ESR1: variants seen among roughly 807,000 people sequenced by gnomAD.
The protein encoded by ESR1 is estrogen receptor.
A neutral mutation model predicts 52.7 loss-of-function variants in ESR1; 12 were observed. That is an observed-to-expected ratio of 0.23 (90% CI 0.15 to 0.37). The LOEUF (loss-of-function observed/expected upper bound fraction) is 0.37, where lower values mean the gene tolerates loss of function less well. Among genes scored for constraint, ESR1 ranks in the 10% least tolerant of loss-of-function variants. The pLI is 1.00. For synonymous variants in ESR1, 305 were observed against 316.8 expected (o/e 0.96, Z 0.39); for missense variants, 584 against 779.7 (o/e 0.75, Z 2.99).
chr6:151,720,891 A>G (rs1485086407), intron 2 of ESR1, among the ~76,000 whole-genome samples: 2 of 152,176 alleles, frequency 1.3e-5, no homozygotes, highest in Non-Finnish European at 2.9e-5. Flanking sequence ...TTTGAATTTC[A>G]TGTTACTTTA....
rs975656329 is a variant in ESR1 at position 152,103,215 on chromosome 6, C to T, written c.*4249C>T. ...TTGAAAAAGAATCCAGCGGGATGCT[C>T]GAGCACCTGTAAACAATTTTCTCAA... is the stretch of plus-strand genomic sequence containing the variant. On this transcript the variant is annotated 3_prime_UTR_variant, in exon 8 of 8. Coordinates refer to ENST00000206249, the MANE Select transcript of ESR1 (RefSeq NM_000125.4). The T allele has an allele frequency of 1.1e-5, 2 of 188,858 alleles. No individual in the cohort carries two copies. Among genetic ancestry groups the T allele is most frequent in the Admixed American group, 6.2e-5 (1 of 16,174 alleles). The allele number at this position is 188,858 out of a possible 1,614,324, so 11.7% of individuals were successfully genotyped here.
At chr6:152,088,421 G>A (rs560362009) in intron 6 of ESR1, among the ~76,000 whole-genome samples, 1 of 152,302 alleles carries the variant, frequency 6.6e-6, no homozygotes, top group South Asian at 2.1e-4. Context: ...CTACCGTGTG[G>A]TCTGAATGTT....
chr6:151,975,397 A>G lies in ESR1; in HGVS notation c.1096+30889A>G, dbSNP rs181431992. Among the ~76,000 whole-genome samples, 4 of 150,616 alleles carry G rather than the reference A, an allele frequency of 2.7e-5. No individual in the cohort carries two copies. The East Asian group carries it at 7.8e-4, about 30-fold the overall frequency. On this transcript the variant is annotated intron_variant, in intron 4 of 7. Coordinates refer to ENST00000206249, the MANE Select transcript of ESR1 (RefSeq NM_000125.4). Reference sequence around the variant, plus strand: ...TCTAATAAAAGTCTATATCAATTTGATGTATTAGTTAGGGTTCTCTGGAGA... The same window carrying G: ...TCTAATAAAAGTCTATATCAATTTGGTGTATTAGTTAGGGTTCTCTGGAGA...
chr6:151,869,439 T>G (rs111336059), intron 2 of ESR1, among the ~76,000 whole-genome samples: 23 of 152,326 alleles, frequency 1.5e-4, no homozygotes, highest in African/African-American at 4.6e-4. Flanking sequence ...GCTTATTTGA[T>G]GAGCCCTGAG....
chr6:151,827,224 A>G (rs1422526541), intron 1 of ESR1, among the ~76,000 whole-genome samples: 2 of 151,624 alleles, frequency 1.3e-5, no homozygotes, highest in African/African-American at 4.8e-5. Context: ...ATTGCTTGGG[A>G]GGCTGAGATG....
intron 2 of ESR1, among the ~76,000 whole-genome samples, chr6:151,863,788 G>A (rs564452551): frequency 1.5e-4 from 23 of 152,040 alleles, no homozygotes; most frequent in African/African-American, 3.4e-4. Flanking sequence ...TTTGACAAAC[G>A]TGACAAAAAC....
chr6:151,707,053 G>A (rs1322387145), intron 2 of ESR1, among the ~76,000 whole-genome samples: 2 of 152,182 alleles, frequency 1.3e-5, no homozygotes, highest in East Asian at 3.8e-4. Flanking sequence ...CTAGCACAAA[G>A]CTCTAATGTT....
chr6:151,705,411 G>A (rs1228996966), intron 2 of ESR1, among the ~76,000 whole-genome samples: 1 of 151,982 alleles, frequency 6.6e-6, no homozygotes, highest in Non-Finnish European at 1.5e-5. Context: ...TTATTTTGGG[G>A]GTTTCTAAAC....
chr6:151,806,557 T>C (rs184028444), upstream of ESR1, among the ~76,000 whole-genome samples: 1,293 of 133,686 alleles, frequency 9.7e-3, 25 homozygotes, highest in East Asian at 0.029. Context: ...TATATATATA[T>C]ACACATATAT....
intron 6 of ESR1, among the ~76,000 whole-genome samples, chr6:152,073,696 T>C (rs891027446): frequency 6.6e-6 from 1 of 152,190 alleles, no homozygotes; most frequent in Non-Finnish European, 1.5e-5. Flanking sequence ...AAATTATTTG[T>C]GTAGCTTTTG....
chr6:152,043,648 C>T (rs1462403300), intron 5 of ESR1, among the ~76,000 whole-genome samples: 1 of 152,178 alleles, frequency 6.6e-6, no homozygotes, highest in African/African-American at 2.4e-5. Flanking sequence ...GGTTAAACTC[C>T]TCAGACAAAG....
At chr6:152,096,454 AG>A (rs1433873470) in intron 7 of ESR1, among the ~76,000 whole-genome samples, 1 of 152,206 alleles carries the variant, frequency 6.6e-6, no homozygotes, top group Non-Finnish European at 1.5e-5. Context: ...CTGGGAAAAT[AG>A]ATGTATCTCA....
intron 2 of ESR1, among the ~76,000 whole-genome samples, chr6:151,703,758 T>C (rs1433499148): frequency 2.6e-5 from 4 of 152,212 alleles, no homozygotes; most frequent in Admixed American, 1.3e-4. Flanking sequence ...TTTCAGCATA[T>C]ACCTCCCTTT....
intron 2 of ESR1, among the ~76,000 whole-genome samples, chr6:151,771,823 G>C (rs1194730025): frequency 2.0e-5 from 3 of 151,956 alleles, no homozygotes; most frequent in Non-Finnish European, 4.4e-5. Flanking sequence ...AAATGAACAA[G>C]TGTTATTTTG....
chr6:152,068,036 A>G (rs561549468), intron 6 of ESR1, among the ~76,000 whole-genome samples: 15 of 152,314 alleles, frequency 9.8e-5, no homozygotes, highest in Non-Finnish European at 1.3e-4. Flanking sequence ...ACAAACTAAG[A>G]GGGAAACTGA....
intron 5 of ESR1, among the ~76,000 whole-genome samples, chr6:152,016,838 C>A (rs2043204627): frequency 6.6e-6 from 1 of 152,108 alleles, no homozygotes; most frequent in Admixed American, 6.6e-5. Context: ...GTGACACTAC[C>A]TCTGCAAGGT....
At chr6:151,750,162 A>G (rs1783794096) in intron 2 of ESR1, among the ~76,000 whole-genome samples, 1 of 152,152 alleles carries the variant, frequency 6.6e-6, no homozygotes, top group Non-Finnish European at 1.5e-5. Flanking sequence ...AGTTTTATAT[A>G]TTCAAACTCT....
At chr6:151,667,095 GTCT>G (rs1439529607) in intron 1 of ESR1, among the ~76,000 whole-genome samples, 8 of 152,150 alleles carry the variant, frequency 5.3e-5, no homozygotes, top group Non-Finnish European at 1.0e-4. Context: ...TAGATTTGCT[GTCT>G]GGCCCAGATC....
chr6:152,055,502 A>G (rs566238596), intron 5 of ESR1, among the ~76,000 whole-genome samples: 1 of 152,320 alleles, frequency 6.6e-6, no homozygotes, highest in Admixed American at 6.5e-5. Context: ...GTAAACAAAG[A>G]AGATTTACTT....
Sources: allele counts gnomAD v4.1 joint callset (sites outside exome capture counted in the v4.1 genomes callset), GRCh38; gene constraint gnomAD v4.1.1; transcripts MANE v1.5; gene names NCBI Gene and HGNC (gene_info 2026-07-23, HGNC 2026-07-21).